DCDC2C: variants seen among roughly 807,000 people sequenced by gnomAD.
DCDC2C encodes doublecortin domain-containing protein 2C.
DCDC2C carries 44 observed loss-of-function variants against 45.0 expected under a neutral mutation model. The observed-to-expected ratio is 0.98, with a 90% CI of 0.77 to 1.26. DCDC2C has a LOEUF of 1.26. DCDC2C is among the 50% of genes most tolerant of loss of function. The pLI is 0.00. For missense variants in DCDC2C, 447 were observed against 468.9 expected, an observed-to-expected ratio of 0.95 and a Z score of 0.43; for synonymous variants, 187 against 178.8, an observed-to-expected ratio of 1.05 and a Z score of -0.37.
intron 10 of DCDC2C, among the ~76,000 whole-genome samples, chr2:3,834,092 G>GCCCCCCCCCCA (rs1232958649): frequency 1.1e-5 from 1 of 88,998 alleles, no homozygotes; most frequent in South Asian, 3.9e-4. Context: ...TCCCCCTCCT[G>GCCCCCCCCCCA]CCCCCCCTAC....
intron 3 of DCDC2C, among the ~76,000 whole-genome samples, chr2:3,735,817 T>C (rs1342542655): frequency 2.6e-5 from 4 of 151,936 alleles, no homozygotes; most frequent in African/African-American, 4.8e-5. Flanking sequence ...TTTGACCATT[T>C]TTTTTTTTTT....
intron 1 of DCDC2C, 107 bp downstream of exon 1, chr2:3,704,145 C>G (rs1572541872): frequency 9.7e-7 from 1 of 1,035,598 alleles, no homozygotes; most frequent in Admixed American, 4.3e-5. Context: ...GCTTCCCTCC[C>G]GGCTCGGGCG....
At position 3,769,331 on chromosome 2, in the gene DCDC2C, C is replaced by G. The variant is rs914798323; in HGVS notation, c.874C>G (p.Pro292Ala). 2 of 1,550,390 alleles carry G rather than the reference C, an allele frequency of 1.3e-6. No individual in the cohort carries two copies. Among genetic ancestry groups the G allele is most frequent in the Non-Finnish European group, 1.7e-6 (2 of 1,146,934 alleles). The stretch of plus-strand genomic sequence containing the variant: ...CCCAGAAGGTGACGTGTATAAAGCA[C>G]CGACTCCTAGCAAGGAAACCCAAGG... ...RGAEGDVYKA[P>A]TPSKETQGAL... The change falls in exon 8 of 11, where the codon CCG becomes GCG. Residue 292 changes from proline to alanine, a missense_variant. Pro to Ala is a conservative substitution (Grantham distance 27). Coordinates refer to ENST00000399143, the MANE Select transcript of DCDC2C (RefSeq NM_001287444.2).
chr2:3,789,774 A>G (rs1670756154), intron 10 of DCDC2C, among the ~76,000 whole-genome samples: 1 of 152,348 alleles, frequency 6.6e-6, no homozygotes, highest in East Asian at 1.9e-4. Context: ...GGGTTAAAGA[A>G]AGAGAGATTT....
At chr2:3,732,264 G>A (rs938744442) in intron 3 of DCDC2C, among the ~76,000 whole-genome samples, 6 of 151,998 alleles carry the variant, frequency 3.9e-5, no homozygotes, top group Admixed American at 2.6e-4. Flanking sequence ...CCATGATCTC[G>A]GAGAGAAGCC....
chr2:3,800,375 G>A (rs1266067946), intron 10 of DCDC2C, among the ~76,000 whole-genome samples: 4 of 152,056 alleles, frequency 2.6e-5, no homozygotes, highest in African/African-American at 7.2e-5. Context: ...GTTCCTATTC[G>A]GCCATCTTGG....
intron 10 of DCDC2C, among the ~76,000 whole-genome samples, chr2:3,789,064 C>A (rs1206167665): frequency 6.6e-6 from 1 of 151,986 alleles, no homozygotes; most frequent in African/African-American, 2.4e-5. Flanking sequence ...GTTGGCCAGG[C>A]TGATCTTGAA....
At position 3,742,062 on chromosome 2, in the gene DCDC2C, C is replaced by A; in HGVS notation, c.545+14C>A. The A allele has an allele frequency of 1.3e-6, 2 of 1,524,754 alleles. No individual in the cohort carries two copies. The highest frequency in any genetic ancestry group is 2.6e-5 in the South Asian group (2 of 77,838). The allele number at this position is 1,524,754 out of a possible 1,614,324, so 94.5% of individuals were successfully genotyped here. ...AGGCGTTCGGAAGTAAGGAGACTCT[C>A]GCCTTTAGGACAGCCAGGGGGCGGC... On this transcript the variant is annotated intron_variant, in intron 4 of 10. Transcript: ENST00000399143.
Position 3,767,742 on chromosome 2 carries a change from T to G in DCDC2C, c.727-12T>G. 6.5e-7 allele frequency: 1 copy of G among 1,550,354 alleles called. No individual in the cohort carries two copies. Among genetic ancestry groups the G allele is most frequent in the East Asian group, 2.4e-5 (1 of 40,876 alleles). On this transcript the variant is annotated splice_polypyrimidine_tract_variant and intron_variant, in intron 6 of 10. Coordinates refer to ENST00000399143, the MANE Select transcript of DCDC2C (RefSeq NM_001287444.2). ...TTCTTAATGGACTTTCTCTTCTTCA[T>G]TTGTCCTGTAGGTGGACTCCAAAGG...
intron 10 of DCDC2C, among the ~76,000 whole-genome samples, chr2:3,821,611 G>T (rs1055334046): frequency 1.3e-5 from 2 of 152,194 alleles, no homozygotes; most frequent in Non-Finnish European, 2.9e-5. Context: ...TTGTAAAATG[G>T]CTTTTCTGCG....
At chr2:3,843,179 G>A (rs999082304) in intron 10 of DCDC2C, among the ~76,000 whole-genome samples, 3 of 152,164 alleles carry the variant, frequency 2.0e-5, no homozygotes, top group African/African-American at 7.2e-5. Context: ...TTTCAGGTGT[G>A]GAGTCCTGGA....
chr2:3,802,716 T>C (rs1257637045), intron 10 of DCDC2C, among the ~76,000 whole-genome samples: 1 of 152,150 alleles, frequency 6.6e-6, no homozygotes, highest in Non-Finnish European at 1.5e-5. Flanking sequence ...CCTCCTAATA[T>C]CATCACTTGA....
At chr2:3,750,056 G>A (rs530443765) in intron 4 of DCDC2C, among the ~76,000 whole-genome samples, 40 of 135,878 alleles carry the variant, frequency 2.9e-4, no homozygotes, top group African/African-American at 8.8e-4. Flanking sequence ...GCCTGTTCCC[G>A]GCTCCATCAT....
At chr2:3,828,083 T>C (rs1302456238) in intron 10 of DCDC2C, among the ~76,000 whole-genome samples, 1 of 152,230 alleles carries the variant, frequency 6.6e-6, no homozygotes, top group Non-Finnish European at 1.5e-5. Context: ...CAGACTTTTA[T>C]TGAGCCTTCA....
chr2:3,824,672 G>T (rs1484065687), intron 10 of DCDC2C, among the ~76,000 whole-genome samples: 1 of 151,874 alleles, frequency 6.6e-6, no homozygotes, highest in African/African-American at 2.4e-5. Context: ...CACTGCTCCT[G>T]TCCCACCTTC....
At chr2:3,793,374 C>T (rs1231715264) in intron 10 of DCDC2C, among the ~76,000 whole-genome samples, 2 of 152,218 alleles carry the variant, frequency 1.3e-5, no homozygotes, top group Non-Finnish European at 2.9e-5. Context: ...CATCGGAAGC[C>T]TGTGCAGCAT....
intron 1 of DCDC2C, among the ~76,000 whole-genome samples, chr2:3,704,371 GGGGAGGGGTGTGGAGA>G (rs1184735376): frequency 6.5e-5 from 8 of 123,438 alleles, no homozygotes; most frequent in African/African-American, 1.2e-4. Context: ...GGAGGGCGTG[GGGGAGGGGTGTGGAGA>G]GGGGCGTGGG....
intron 4 of DCDC2C, among the ~76,000 whole-genome samples, chr2:3,743,194 A>AG (rs1669265064): frequency 1.7e-5 from 2 of 117,016 alleles, no homozygotes; most frequent in Non-Finnish European, 3.7e-5. Flanking sequence ...CAGCCCATCA[A>AG]GAATATACAA....
chr2:3,771,134 G>A (rs1572603413), intron 8 of DCDC2C, among the ~76,000 whole-genome samples: 1 of 152,200 alleles, frequency 6.6e-6, no homozygotes, highest in African/African-American at 2.4e-5. Context: ...TAGGTCATCC[G>A]TCCTCCCTCT....
Sources: gnomAD v4.1 joint callset for allele counts (sites outside exome capture counted in the v4.1 genomes callset) on GRCh38, gnomAD v4.1.1 for gene constraint, MANE v1.5 for transcripts, NCBI Gene and HGNC (gene_info 2026-07-23, HGNC 2026-07-21) for gene names.